The following ATP2B4 variants were observed in gnomAD, a reference collection of about 807,000 sequenced individuals.
ATP2B4 encodes the protein plasma membrane calcium-transporting ATPase 4.
In ATP2B4, 39 loss-of-function variants were observed where a neutral mutation model predicts 110.3. The ratio of observed to expected loss-of-function variants is 0.35; its 90% confidence interval spans 0.27 to 0.46. ATP2B4 has a LOEUF of 0.46. Ranked by LOEUF, ATP2B4 falls within the 20% of genes least tolerant of loss-of-function variation. The pLI is 1.00. For synonymous variants in ATP2B4, 538 were observed against 571.7 expected (o/e 0.94, Z 0.84); for missense variants, 1,135 against 1,530.9 (o/e 0.74, Z 4.32).
At chr1:203,738,678 A>T (rs1195597868) in intron 20 of ATP2B4, among the ~76,000 whole-genome samples, 1 of 152,170 alleles carries the variant, frequency 6.6e-6, no homozygotes, top group Non-Finnish European at 1.5e-5. Flanking sequence ...AAACAGCTAG[A>T]GAAAGCAGCA....
At position 203,686,685 on chromosome 1, in the gene ATP2B4, C is replaced by CTTTTTTTTTTTTTTTTTTTTTTTTTTT. The variant is rs779048789; in HGVS notation, c.193+3313_193+3314insTTTTTTTTTTTTTTTTTTTTTTTTTTT. Among the ~76,000 whole-genome samples the CTTTTTTTTTTTTTTTTTTTTTTTTTTT allele has an allele frequency of 5.4e-4, 23 of 42,784 alleles. 2 individuals are homozygous for CTTTTTTTTTTTTTTTTTTTTTTTTTTT. Among genetic ancestry groups the CTTTTTTTTTTTTTTTTTTTTTTTTTTT allele is most frequent in the East Asian group, 4.3e-3 (2 of 462 alleles). 28.1% of individuals were successfully genotyped at this position (42,784 alleles called of 152,430 possible). On this transcript the variant is annotated intron_variant, in intron 2 of 20. Coordinates refer to ENST00000357681, the MANE Select transcript of ATP2B4 (RefSeq NM_001684.5). The stretch of plus-strand genomic sequence containing the variant: ...CCTGGTGTTTTTCTTTCTTTTCTTT[C>CTTTTTTTTTTTTTTTTTTTTTTTTTTT]TTTTTTTTTTTTTTTTTTTTTTTTT...
At chr1:203,642,670 C>T (rs1371402674) in intron 1 of ATP2B4, among the ~76,000 whole-genome samples, 2 of 152,168 alleles carry the variant, frequency 1.3e-5, no homozygotes, top group Non-Finnish European at 2.9e-5. Context: ...ATTCCTGTGC[C>T]TTTCTGTATA....
chr1:203,701,471 TAA>T (rs1198538765), intron 6 of ATP2B4, among the ~76,000 whole-genome samples: 1 of 152,124 alleles, frequency 6.6e-6, no homozygotes, highest in Non-Finnish European at 1.5e-5. Flanking sequence ...GAGAAGATAC[TAA>T]AACCAAGTCT....
At chr1:203,707,357 C>G (rs1428251066) in intron 9 of ATP2B4, 134 bp downstream of exon 9, 1 of 768,822 alleles carries the variant, frequency 1.3e-6, no homozygotes, top group Non-Finnish European at 2.0e-6. Flanking sequence ...AGCAGAAGTC[C>G]CTGGTATTAT....
At chr1:203,698,400 C>A in intron 3 of ATP2B4, 46 bp downstream of exon 3, 1 of 1,569,346 alleles carries the variant, frequency 6.4e-7, no homozygotes, top group Non-Finnish European at 8.8e-7. Context: ...TGGGTTCTTT[C>A]CACCACCACC....
chr1:203,701,285 T>A (rs1346819592), intron 6 of ATP2B4, among the ~76,000 whole-genome samples: 1 of 152,096 alleles, frequency 6.6e-6, no homozygotes, highest in Non-Finnish European at 1.5e-5. Context: ...TCCTCAAAGA[T>A]GGGGGGTTAA....
intron 1 of ATP2B4, among the ~76,000 whole-genome samples, chr1:203,667,498 T>C (rs912554434): frequency 6.6e-6 from 1 of 152,252 alleles, no homozygotes; most frequent in Admixed American, 6.5e-5. Context: ...GCTCAGTTAC[T>C]CAGTAGACTA....
At chr1:203,708,258 A>G (rs1665907557) in intron 10 of ATP2B4, among the ~76,000 whole-genome samples, 154 bp downstream of exon 10, 1 of 152,184 alleles carries the variant, frequency 6.6e-6, no homozygotes, top group Non-Finnish European at 1.5e-5. Flanking sequence ...GTGAGACTAC[A>G]GAAAAATCCC....
intron 1 of ATP2B4, among the ~76,000 whole-genome samples, chr1:203,675,727 G>A (rs1664809738): frequency 6.6e-6 from 1 of 152,154 alleles, no homozygotes; most frequent in Admixed American, 6.5e-5. Flanking sequence ...AGGGAGGCCC[G>A]TGGATACCAC....
intron 14 of ATP2B4, 41 bp from the exon 15 acceptor site, chr1:203,714,130 G>A: frequency 2.5e-6 from 4 of 1,578,302 alleles, no homozygotes; most frequent in Non-Finnish European, 3.5e-6. Context: ...AAGGGTGGGG[G>A]AGACCAGAAA....
At chr1:203,732,235 T>A (rs183301147) in intron 20 of ATP2B4, among the ~76,000 whole-genome samples, 11 of 151,674 alleles carry the variant, frequency 7.3e-5, no homozygotes, top group Admixed American at 6.6e-4. Context: ...AACAGGGCAC[T>A]GAAAACCAGA....
intron 2 of ATP2B4, among the ~76,000 whole-genome samples, chr1:203,694,880 G>A (rs1183441347): frequency 6.6e-6 from 1 of 152,154 alleles, no homozygotes; most frequent in Non-Finnish European, 1.5e-5. Flanking sequence ...AAAATGGAAA[G>A]TGATTGGACT....
At chr1:203,691,888 CT>C (rs922682072) in intron 2 of ATP2B4, among the ~76,000 whole-genome samples, 23 of 148,324 alleles carry the variant, frequency 1.6e-4, no homozygotes, top group Admixed American at 1.3e-4. Context: ...TTAATTTTAA[CT>C]TTTTTTTTTT....
chr1:203,733,435 A>G lies in ATP2B4; in HGVS notation c.3309+5864A>G, dbSNP rs371587973. The G allele has an allele frequency of 1.7e-5, 26 of 1,567,734 alleles. 1 individual carries two copies. In the Middle Eastern group the frequency reaches 1.2e-3, roughly 72 times the overall value. On this transcript the variant is annotated intron_variant, in intron 20 of 20. Transcript: ENST00000357681. ...AGTCTATTATGATGCATGATTTGCTAAAATGACCACAAGAGAGCACGTGGC... is the reference window on the plus strand; with the variant it reads ...AGTCTATTATGATGCATGATTTGCTGAAATGACCACAAGAGAGCACGTGGC...
chr1:203,629,297 C>T lies in ATP2B4; in HGVS notation c.-465+2078C>T, dbSNP rs957309502. Among the ~76,000 whole-genome samples, 8 of 152,218 alleles carry T rather than the reference C, an allele frequency of 5.3e-5. No individual in the cohort carries two copies. The highest frequency in any genetic ancestry group is 8.8e-5 in the Non-Finnish European group (6 of 68,028). ...GAGGGGATCCATTTCTATACTCCTCCTCGGGAGTCCCATCCTCCCTGCCAC... is the reference window on the plus strand; with the variant it reads ...GAGGGGATCCATTTCTATACTCCTCTTCGGGAGTCCCATCCTCCCTGCCAC... On this transcript the variant is annotated intron_variant, in intron 1 of 20. Transcript: ENST00000357681. The surrounding 1 kb of genome is among the most constrained non-coding windows in gnomAD (Gnocchi z 4.6).
intron 1 of ATP2B4, among the ~76,000 whole-genome samples, chr1:203,670,627 C>T (rs774838124): frequency 6.6e-6 from 1 of 152,208 alleles, no homozygotes. Flanking sequence ...CTTCTCCCTT[C>T]CCACCCTATA....
intron 2 of ATP2B4, among the ~76,000 whole-genome samples, chr1:203,696,954 C>T (rs1377895430): frequency 1.3e-5 from 2 of 152,046 alleles, no homozygotes. Flanking sequence ...TGTAAGCAAA[C>T]GTATGTTGGT....
At chr1:203,649,623 C>CAAAA (rs1470096869) in intron 1 of ATP2B4, among the ~76,000 whole-genome samples, 1 of 151,948 alleles carries the variant, frequency 6.6e-6, no homozygotes, top group Non-Finnish European at 1.5e-5. Flanking sequence ...CCAAAACAAA[C>CAAAA]AAAACAAAAC....
intron 2 of ATP2B4, among the ~76,000 whole-genome samples, chr1:203,695,194 C>G (rs1451351978): frequency 6.6e-6 from 1 of 152,190 alleles, no homozygotes; most frequent in East Asian, 1.9e-4. Context: ...AGAAGCGTCC[C>G]AGGTAGCTTA....
Sources: allele counts gnomAD v4.1 joint callset (sites outside exome capture counted in the v4.1 genomes callset), GRCh38; gene constraint gnomAD v4.1.1; non-coding constraint Gnocchi (gnomAD v3.1); transcripts MANE v1.5; gene names NCBI Gene and HGNC (gene_info 2026-07-23, HGNC 2026-07-21).